ELFN1: variants seen among roughly 807,000 people sequenced by gnomAD.
ELFN1 encodes protein ELFN1.
In ELFN1, 6 loss-of-function variants were observed where a neutral mutation model predicts 7.6. The ratio of observed to expected loss-of-function variants is 0.79; its 90% confidence interval spans 0.43 to 1.56. ELFN1 has a LOEUF of 1.56. Ranked by LOEUF, ELFN1 falls within the 40% of genes most tolerant of loss-of-function variation. ELFN1 has a pLI of 0.01. For missense variants in ELFN1, 1,169 were observed against 1,232.2 expected, an observed-to-expected ratio of 0.95 and a Z score of 0.77; for synonymous variants, 657 against 588.1, an observed-to-expected ratio of 1.12 and a Z score of -1.70.
chr7:1,683,434 C>T (rs1779009587), intron 1 of ELFN1, among the ~76,000 whole-genome samples: 1 of 152,124 alleles, frequency 6.6e-6, no homozygotes, highest in African/African-American at 2.4e-5. Context: ...TTGTTCACTT[C>T]ATCTAAATTA....
At chr7:1,666,480 G>C (rs1484871010), upstream of ELFN1, among the ~76,000 whole-genome samples, 1 of 151,992 alleles carries the variant, frequency 6.6e-6, no homozygotes, top group African/African-American at 2.4e-5. This position sits in a 1 kb window ranked among gnomAD's most constrained non-coding sequence, Gnocchi z 7.9. Context: ...GGGCGCACCC[G>C]AAGTTAGCGG....
chr7:1,685,295 T>TTTG (rs1779043661), intron 1 of ELFN1, among the ~76,000 whole-genome samples: 1 of 152,198 alleles, frequency 6.6e-6, no homozygotes, highest in African/African-American at 2.4e-5. Flanking sequence ...ATTTTTCTTG[T>TTTG]GTTCATCTTA....
In ELFN1 at chr7:1,746,861, G is replaced by A. The variant is rs1318563357; in HGVS notation, c.2265G>A (p.Pro755=). The part of the protein sequence containing the change: ...PRDLAYSQLS[P]QYHSLSYSSS... ...ACCTCGCCTACTCGCAGCTGTCCCCGCAGTACCACAGCCTGAGCTACTCCT... is the reference window on the plus strand; with the variant it reads ...ACCTCGCCTACTCGCAGCTGTCCCCACAGTACCACAGCCTGAGCTACTCCT... The change falls in exon 4 of 4, where the codon CCG becomes CCA. Residue 755 remains proline (P), a synonymous_variant. Coordinates refer to ENST00000424383, the MANE Select transcript of ELFN1 (RefSeq NM_001128636.4). 7.8e-6 allele frequency: 12 copies of A among 1,540,436 alleles called. No homozygotes were observed. Among genetic ancestry groups the A allele is most frequent in the East Asian group, 4.9e-5 (2 of 40,524 alleles).
At chr7:1,743,522 G>A (rs1191534819) in intron 3 of ELFN1, among the ~76,000 whole-genome samples, 1 of 152,202 alleles carries the variant, frequency 6.6e-6, no homozygotes. Context: ...GACGCCCTCA[G>A]AGACCATCCA....
At chr7:1,688,011 C>T (rs1779089181) in intron 1 of ELFN1, 47 bp from the exon 2 acceptor site, 4 of 150,052 alleles carry the variant, frequency 2.7e-5, no homozygotes, top group African/African-American at 9.8e-5. Flanking sequence ...ACTACAGGCA[C>T]ATGCCACCAT....
At chr7:1,725,416 C>G (rs1054142982) in intron 3 of ELFN1, among the ~76,000 whole-genome samples, 1 of 132,254 alleles carries the variant, frequency 7.6e-6, no homozygotes, top group Non-Finnish European at 1.6e-5. Context: ...TCTGCCAGGT[C>G]GGTGCAGCCT....
chr7:1,715,881 A>C (rs894732500), intron 3 of ELFN1, among the ~76,000 whole-genome samples: 7 of 152,070 alleles, frequency 4.6e-5, no homozygotes, highest in African/African-American at 1.7e-4. Flanking sequence ...TTTCAGCCTG[A>C]GCTCTGGCCT....
At chr7:1,669,457 C>A (rs1778719089), upstream of ELFN1, among the ~76,000 whole-genome samples, 1 of 152,116 alleles carries the variant, frequency 6.6e-6, no homozygotes, top group African/African-American at 2.4e-5. Flanking sequence ...GCCTGCCCGG[C>A]CCGAGCGTGG....
In ELFN1 at chr7:1,747,065, G is replaced by A. The variant is rs114713154; in HGVS notation, c.2469G>A (p.Ser823=). The change falls in exon 4 of 4, where the codon TCG becomes TCA. Residue 823 remains serine (S), a synonymous_variant. Coordinates refer to ENST00000424383, the MANE Select transcript of ELFN1 (RefSeq NM_001128636.4). The part of the protein sequence containing the change: ...HDILDYWKGV[S]AQHKS ...TCCTGGACTACTGGAAGGGCGTGTC[G>A]GCCCAGCACAAGTCCTGAGCCCCCC... is the stretch of plus-strand genomic sequence containing the variant. The A allele has an allele frequency of 2.5e-3, 3,793 of 1,511,768 alleles. 83 individuals carry two copies. In the African/African-American group the frequency reaches 0.042, roughly 17 times the overall value. The allele number at this position is 1,511,768 out of a possible 1,614,324, so 93.6% of individuals were successfully genotyped here. A position where few individuals can be genotyped will look rare whatever the true frequency, so the allele number is the denominator to read the frequency against.
At chr7:1,686,195 T>C (rs1338964934) in intron 1 of ELFN1, among the ~76,000 whole-genome samples, 2 of 151,838 alleles carry the variant, frequency 1.3e-5, no homozygotes, top group Non-Finnish European at 1.5e-5. Flanking sequence ...GTTGCTAGTA[T>C]TGCTGGGTTT....
chr7:1,741,005 C>T (rs1195222740), intron 3 of ELFN1, among the ~76,000 whole-genome samples: 1 of 152,018 alleles, frequency 6.6e-6, no homozygotes, highest in African/African-American at 2.4e-5. Flanking sequence ...TGGTGTGTGC[C>T]TATAATCCCA....
At chr7:1,669,976 C>A (rs1175923786), upstream of ELFN1, among the ~76,000 whole-genome samples, 2 of 151,556 alleles carry the variant, frequency 1.3e-5, no homozygotes, top group Admixed American at 1.3e-4. Flanking sequence ...TTCCCCAGCC[C>A]CTGCGCGTCG....
At chr7:1,725,579 G>A (rs1276483777) in intron 3 of ELFN1, among the ~76,000 whole-genome samples, 3 of 152,228 alleles carry the variant, frequency 2.0e-5, no homozygotes, top group African/African-American at 7.2e-5. Flanking sequence ...TCACACCCCA[G>A]TTGGGTGGTT....
At chr7:1,720,291 G>A (rs889980172) in intron 3 of ELFN1, among the ~76,000 whole-genome samples, 2 of 152,180 alleles carry the variant, frequency 1.3e-5, no homozygotes, top group African/African-American at 2.4e-5. Context: ...GGGAACAGCC[G>A]GTGGGCAGAC....
intron 3 of ELFN1, among the ~76,000 whole-genome samples, chr7:1,716,722 G>A (rs1012875464): frequency 6.6e-6 from 1 of 152,202 alleles, no homozygotes; most frequent in African/African-American, 2.4e-5. Flanking sequence ...GACTGCAGCC[G>A]CACTCCCCCA....
chr7:1,685,296 G>T (rs186167549), intron 1 of ELFN1, among the ~76,000 whole-genome samples: 1 of 152,080 alleles, frequency 6.6e-6, no homozygotes, highest in African/African-American at 2.4e-5. Context: ...TTTTTCTTGT[G>T]TTCATCTTAT....
In ELFN1 at chr7:1,747,101, A is replaced by G. The variant is rs1780826587; in HGVS notation, c.*18A>G. The G allele has an allele frequency of 3.4e-6, 5 of 1,457,504 alleles. No homozygotes were observed. The highest frequency in any genetic ancestry group is 4.6e-6 in the Non-Finnish European group (5 of 1,097,636). The allele number at this position is 1,457,504 out of a possible 1,614,324, so 90.3% of individuals were successfully genotyped here. A position where few individuals can be genotyped will look rare whatever the true frequency, so the allele number is the denominator to read the frequency against. On this transcript the variant is annotated 3_prime_UTR_variant, in exon 4 of 4. Coordinates refer to ENST00000424383, the MANE Select transcript of ELFN1 (RefSeq NM_001128636.4). ...AGTCCTGAGCCCCCCAAGACCGGCG[A>G]TGCCCACTGGACCAAAAAGGATGCA...
chr7:1,745,938 G>A lies in ELFN1; in HGVS notation c.1342G>A (p.Glu448Lys), dbSNP rs748845288. ...CCTGCGCAGGCGGCGGCGCCAGGAG[G>A]AGAAGCACAAGAAGGCCGCCTCGGC... ...YCLRRRRRQE[E>K]KHKKAASAAA... Residue 448 changes from glutamate (E) to lysine (K), a missense_variant, in exon 4 of 4, where the codon GAG becomes AAG. Physicochemically the swap from Glu to Lys is moderately conservative, Grantham distance 56. Coordinates refer to ENST00000424383, the MANE Select transcript of ELFN1 (RefSeq NM_001128636.4). The A allele has an allele frequency of 3.8e-6, 6 of 1,559,848 alleles. No individual in the cohort carries two copies. The highest frequency in any genetic ancestry group is 2.4e-5 in the South Asian group (2 of 84,760).
rs1305980627 is a variant in ELFN1, at chr7:1,745,736, C to T, written c.1140C>T (p.Cys380=). 18 of 1,551,370 alleles carry T rather than the reference C, an allele frequency of 1.2e-5. No individual in the cohort carries two copies. The highest frequency in any genetic ancestry group is 8.3e-5 in the South Asian group (7 of 84,080). Residue 380 remains cysteine, a synonymous_variant, in exon 4 of 4, where the codon TGC becomes TGT. Transcript: ENST00000424383. ...TCACGCTCACCAACTACACCTACTG[C>T]GTGGTGTCCACCAGCGCCGGGCTGC... ...NLFTLTNYTY[C]VVSTSAGLRH...
Sources: allele counts gnomAD v4.1 joint callset (sites outside exome capture counted in the v4.1 genomes callset), GRCh38; gene constraint gnomAD v4.1.1; non-coding constraint Gnocchi (gnomAD v3.1); transcripts MANE v1.5; gene names NCBI Gene and HGNC (gene_info 2026-07-23, HGNC 2026-07-21).